RANBP2: variants seen among roughly 807,000 people sequenced by gnomAD.
The protein encoded by RANBP2 is RAN binding protein 2, also known as E3 SUMO-protein ligase RanBP2.
Under a neutral mutation model 303.6 loss-of-function variants are expected in RANBP2, and 57 were observed. That is an observed-to-expected ratio of 0.19 (90% confidence interval 0.15 to 0.23). The LOEUF is 0.23. Ranked by LOEUF, RANBP2 falls within the 10% of genes least tolerant of loss-of-function variation. RANBP2 has a pLI of 1.00. For missense variants in RANBP2, 3,138 were observed against 3,780.8 expected, an observed-to-expected ratio of 0.83 and a Z score of 4.46; for synonymous variants, 1,167 against 1,301.5, an observed-to-expected ratio of 0.90 and a Z score of 2.23.
At chr2:109,564,270 T>C in the RANBP2 span, 2 of 1,148,832 alleles carry the variant, frequency 1.7e-6, no homozygotes, top group Admixed American at 5.9e-5. Flanking sequence ...TTTTGGGAGA[T>C]TCTAAAGAAC....
the RANBP2 span, chr2:109,613,081 G>T: frequency 1.4e-6 from 1 of 700,610 alleles, no homozygotes; most frequent in Non-Finnish European, 2.2e-6. Flanking sequence ...CAGGCATCGG[G>T]CCTCCAAACG....
chr2:109,703,112 A>T, the RANBP2 span, among the ~76,000 whole-genome samples: 1 of 152,218 alleles, frequency 6.6e-6, no homozygotes, highest in Non-Finnish European at 1.5e-5. Flanking sequence ...TCAGAGCTAA[A>T]GTAATAGGAA....
chr2:109,671,422 TG>T, the RANBP2 span, among the ~76,000 whole-genome samples: 1 of 152,018 alleles, frequency 6.6e-6, no homozygotes, highest in Middle Eastern at 3.4e-3. Flanking sequence ...GCAGCAAGTC[TG>T]GGGGCTGGGA....
chr2:109,062,157 A>T, the RANBP2 span, among the ~76,000 whole-genome samples: 1 of 112,904 alleles, frequency 8.9e-6, no homozygotes, highest in African/African-American at 3.2e-5. Flanking sequence ...CACTTTGGAT[A>T]AAAGTTATCA....
the RANBP2 span, among the ~76,000 whole-genome samples, chr2:109,195,818 C>T: frequency 1.3e-5 from 2 of 152,158 alleles, no homozygotes; most frequent in Non-Finnish European, 2.9e-5. Flanking sequence ...TTTTAAATAC[C>T]TGCTGATTTG....
the RANBP2 span, chr2:108,798,328 C>A: frequency 7.3e-7 from 1 of 1,376,072 alleles, no homozygotes; most frequent in Non-Finnish European, 9.9e-7. Flanking sequence ...CCCTGTATTC[C>A]TGAAAACCAC....
the RANBP2 span, among the ~76,000 whole-genome samples, chr2:109,357,848 A>G: frequency 2.6e-5 from 4 of 152,196 alleles, no homozygotes; most frequent in Admixed American, 2.0e-4. Context: ...CCTACATGCA[A>G]AGCCTCCTGC....
rs1404018521 is a variant in RANBP2 at position 108,752,438 on chromosome 2, G to T, written c.1755+444G>T. Among the ~76,000 whole-genome samples, 3 of 151,804 alleles carry T rather than the reference G, an allele frequency of 2.0e-5. No homozygotes were observed. The East Asian group carries it at 5.8e-4, about 29-fold the overall frequency. Reference sequence around the variant, plus strand: ...AATGGCAACTGTTAAAAAGTAGTTTGGATTGCTACGTTAGGATGGTATCAT... The same window carrying T: ...AATGGCAACTGTTAAAAAGTAGTTTTGATTGCTACGTTAGGATGGTATCAT... On this transcript the variant is annotated intron_variant, in intron 12 of 28. Coordinates refer to ENST00000283195, the MANE Select transcript of RANBP2 (RefSeq NM_006267.5).
chr2:109,387,914 G>A, the RANBP2 span, among the ~76,000 whole-genome samples: 1 of 151,640 alleles, frequency 6.6e-6, no homozygotes, highest in Non-Finnish European at 1.5e-5. Context: ...TTCCTGACTC[G>A]TTCCACTGCT....
chr2:108,892,210 G>A, the RANBP2 span, among the ~76,000 whole-genome samples: 1 of 152,166 alleles, frequency 6.6e-6, no homozygotes, highest in Admixed American at 6.5e-5. Context: ...CCTTCCCACA[G>A]TCCCAGTGGG....
the RANBP2 span, among the ~76,000 whole-genome samples, chr2:109,445,707 G>A: frequency 5.9e-5 from 9 of 152,068 alleles, no homozygotes; most frequent in Admixed American, 4.6e-4. Context: ...TGACCTGGTG[G>A]GACCCAGAGT....
chr2:109,545,740 G>A, the RANBP2 span: 8 of 1,428,278 alleles, frequency 5.6e-6, no homozygotes, highest in Non-Finnish European at 7.3e-6. Context: ...GCCACGGCTG[G>A]GCTATTCAAT....
At chr2:109,250,398 T>C in the RANBP2 span, among the ~76,000 whole-genome samples, 2 of 152,226 alleles carry the variant, frequency 1.3e-5, no homozygotes, top group Non-Finnish European at 2.9e-5. Flanking sequence ...AAGCTTGTAT[T>C]ATATACAACT....
At chr2:109,448,343 C>G in the RANBP2 span, among the ~76,000 whole-genome samples, 4 of 152,214 alleles carry the variant, frequency 2.6e-5, no homozygotes, top group African/African-American at 9.7e-5. Flanking sequence ...TCCCCAGCCT[C>G]CAAGCCACAG....
the RANBP2 span, among the ~76,000 whole-genome samples, chr2:108,814,905 G>A: frequency 6.6e-6 from 1 of 151,374 alleles, no homozygotes; most frequent in African/African-American, 2.4e-5. Flanking sequence ...CAAAGTGCTG[G>A]GATTATAGGC....
At chr2:108,775,581 G>GT (rs1174470172) in intron 23 of RANBP2, 151 bp from the exon 24 acceptor site, 1 of 733,632 alleles carries the variant, frequency 1.4e-6, no homozygotes, top group African/African-American at 1.8e-5. Flanking sequence ...TAGGCATTTA[G>GT]TTATAGGTTT....
At chr2:109,667,152 A>G in the RANBP2 span, 1 of 1,309,446 alleles carries the variant, frequency 7.6e-7, no homozygotes, top group Non-Finnish European at 1.1e-6. Context: ...GAGGCATAAG[A>G]AACATTTTAA....
chr2:108,768,176 G>C lies in RANBP2; in HGVS notation c.7637G>C (p.Gly2546Ala). The C allele has an allele frequency of 1.2e-6, 2 of 1,612,022 alleles. No homozygotes were observed. The highest frequency in any genetic ancestry group is 1.7e-6 in the Non-Finnish European group (2 of 1,179,858). ...GNSSATGSLF[G>A]FSFNAPLKSN... is the part of the protein sequence containing the mutation. ...AGTTCAGCCACTGGGTCTTTGTTTG[G>C]ATTTAGTTTTAATGCACCTTTGAAA... Residue 2546 changes from glycine to alanine, a missense_variant, in exon 20 of 29, where the codon GGA becomes GCA. Coordinates refer to ENST00000283195, the MANE Select transcript of RANBP2 (RefSeq NM_006267.5).
chr2:108,853,046 G>A, the RANBP2 span, among the ~76,000 whole-genome samples: 3 of 151,952 alleles, frequency 2.0e-5, no homozygotes, highest in East Asian at 1.9e-4. Flanking sequence ...ATAACCTTTC[G>A]TGAGATCTAC....
Sources: gnomAD v4.1 joint callset for allele counts (sites outside exome capture counted in the v4.1 genomes callset) on GRCh38, gnomAD v4.1.1 for gene constraint, MANE v1.5 for transcripts, NCBI Gene and HGNC (gene_info 2026-07-23, HGNC 2026-07-21) for gene names.